The following EFCAB13 variants were observed in gnomAD, a reference collection of about 807,000 sequenced individuals.
EFCAB13 encodes the protein EF-hand calcium-binding domain-containing protein 13.
A neutral mutation model predicts 110.2 loss-of-function variants in EFCAB13; 91 were observed. The ratio of observed to expected loss-of-function variants is 0.83; its 90% CI spans 0.70 to 0.98. The LOEUF is 0.98. EFCAB13 is among the 50% of genes least tolerant of loss of function. The probability of loss-of-function intolerance (pLI) is 0.00; values close to 1 mark genes in which losing one functional copy is unlikely to be tolerated. For synonymous variants in EFCAB13, 323 were observed against 369.9 expected (o/e 0.87, Z 1.45); for missense variants, 968 against 1,119.4 (o/e 0.86, Z 1.93).
chr17:47,422,541 CAG>C (rs1904759410), intron 23 of EFCAB13, among the ~76,000 whole-genome samples: 1 of 152,130 alleles, frequency 6.6e-6, no homozygotes, highest in Non-Finnish European at 1.5e-5. Flanking sequence ...GCAAATTTAT[CAG>C]AGCTGCTTGA....
chr17:47,428,265 T>C (rs551598659), intron 23 of EFCAB13, among the ~76,000 whole-genome samples: 1 of 152,174 alleles, frequency 6.6e-6, no homozygotes, highest in East Asian at 1.9e-4. Context: ...CATCCCAGGA[T>C]TTCTCTTTAG....
chr17:47,363,605 C>T (rs968906215), intron 10 of EFCAB13, among the ~76,000 whole-genome samples: 1 of 151,984 alleles, frequency 6.6e-6, no homozygotes, highest in African/African-American at 2.4e-5. Context: ...GAAAGATTAT[C>T]AGAGGGGCTG....
intron 17 of EFCAB13, among the ~76,000 whole-genome samples, chr17:47,398,560 C>CTG (rs2065761109): frequency 6.6e-6 from 1 of 151,806 alleles, no homozygotes; most frequent in South Asian, 2.1e-4. Flanking sequence ...ACCCCCAACC[C>CTG]TGTGCTCTCT....
intron 9 of EFCAB13, among the ~76,000 whole-genome samples, chr17:47,349,815 T>C (rs11079773): frequency 0.091 from 12,514 of 136,774 alleles, 793 homozygotes; most frequent in East Asian, 0.36. Context: ...TCGCCCAGGC[T>C]GGACTGCGGA....
intron 9 of EFCAB13, among the ~76,000 whole-genome samples, chr17:47,359,389 CCA>C (rs1408560418): frequency 2.6e-5 from 4 of 151,740 alleles, no homozygotes; most frequent in Non-Finnish European, 5.9e-5. Flanking sequence ...CAAATAATGC[CCA>C]GTTTTTCCTC....
chr17:47,408,239 C>T (rs1388453042), intron 20 of EFCAB13, among the ~76,000 whole-genome samples: 1 of 152,162 alleles, frequency 6.6e-6, no homozygotes, highest in Non-Finnish European at 1.5e-5. Flanking sequence ...TTGTTGTTTA[C>T]TTTATTTACA....
chr17:47,340,196 A>C (rs2065376153), intron 5 of EFCAB13: 1 of 151,942 alleles, frequency 6.6e-6, no homozygotes. Context: ...AAAACAATAG[A>C]GCAATTATCT....
At chr17:47,417,057 T>C (rs1242399824) in intron 23 of EFCAB13, among the ~76,000 whole-genome samples, 1 of 152,220 alleles carries the variant, frequency 6.6e-6, no homozygotes, top group Non-Finnish European at 1.5e-5. Context: ...AAATGATTGA[T>C]TAACACATAT....
chr17:47,389,243 G>A (rs1463541634), intron 14 of EFCAB13, among the ~76,000 whole-genome samples: 1 of 152,094 alleles, frequency 6.6e-6, no homozygotes, highest in Non-Finnish European at 1.5e-5. Context: ...TCCCTGTGTT[G>A]CTCAGGCTGG....
intron 12 of EFCAB13, among the ~76,000 whole-genome samples, chr17:47,377,315 T>G (rs1038990798): frequency 6.6e-6 from 1 of 151,964 alleles, no homozygotes; most frequent in African/African-American, 2.4e-5. Context: ...ACATGCACCA[T>G]CACACCCAGC....
intron 14 of EFCAB13, among the ~76,000 whole-genome samples, chr17:47,386,772 G>T (rs1042583914): frequency 6.6e-6 from 1 of 152,166 alleles, no homozygotes; most frequent in Non-Finnish European, 1.5e-5. Flanking sequence ...GTAGGCACGC[G>T]AAGGAATCTC....
chr17:47,420,911 G>T (rs1411861760), intron 23 of EFCAB13, among the ~76,000 whole-genome samples: 1 of 143,382 alleles, frequency 7.0e-6, no homozygotes, highest in African/African-American at 2.6e-5. Context: ...GGAGGTGAGG[G>T]GCGCCTCTGC....
intron 10 of EFCAB13, among the ~76,000 whole-genome samples, chr17:47,369,237 C>T (rs908972987): frequency 6.6e-6 from 1 of 152,134 alleles, no homozygotes. Context: ...CTTGTTGAAC[C>T]CTTAGAGCTA....
Position 47,404,575 on chromosome 17 carries a change from G to T in EFCAB13, c.2175G>T (p.Val725=). The T allele has an allele frequency of 6.2e-7, 1 of 1,612,006 alleles. No individual in the cohort carries two copies. The highest frequency in any genetic ancestry group is 1.1e-5 in the South Asian group (1 of 90,780). The stretch of plus-strand genomic sequence containing the variant: ...TTTTCCTTGCAGAAGATAACATGGT[G>T]AACATTAAAGACTGTATGAGGGCTT... ...QSDFVSEDNM[V]NIKDCMRALR... Residue 725 remains valine (V), a synonymous_variant, in exon 20 of 25, where the codon GTG becomes GTT. Transcript: ENST00000331493.
chr17:47,415,831 C>A (rs545153964), intron 23 of EFCAB13, among the ~76,000 whole-genome samples: 1 of 152,192 alleles, frequency 6.6e-6, no homozygotes, highest in African/African-American at 2.4e-5. Flanking sequence ...TGTTGCCTAA[C>A]CACATCATTT....
intron 15 of EFCAB13, among the ~76,000 whole-genome samples, chr17:47,392,385 T>C (rs549907560): frequency 3.3e-5 from 5 of 152,190 alleles, no homozygotes; most frequent in Non-Finnish European, 5.9e-5. Context: ...CTAATATTTA[T>C]ATGAATGACT....
At position 47,440,485 on chromosome 17, in the gene EFCAB13, C is replaced by T; in HGVS notation, c.2693C>T (p.Thr898Ile). Residue 898 changes from threonine (T) to isoleucine (I), a missense_variant, in exon 25 of 25, where the codon ACA (threonine) becomes ATA (isoleucine). By Grantham distance (89) the Thr-to-Ile change is moderately conservative (BLOSUM62 -1). Coordinates refer to ENST00000331493, the MANE Select transcript of EFCAB13 (RefSeq NM_152347.5). ...ATGACTAAATTATCCGATATATTGA[C>T]AATTCCTAAAGCTGCAGGTAAGTTT... is the stretch of plus-strand genomic sequence containing the variant. ...EFMTKLSDIL[T>I]IPKAAGKFYL... is the part of the protein sequence containing the mutation. 2.5e-6 allele frequency: 4 copies of T among 1,609,802 alleles called. No homozygotes were observed. The highest frequency in any genetic ancestry group is 3.4e-6 in the Non-Finnish European group (4 of 1,178,664).
chr17:47,383,424 T>C (rs1156279143), intron 14 of EFCAB13, among the ~76,000 whole-genome samples: 1 of 152,236 alleles, frequency 6.6e-6, no homozygotes, highest in African/African-American at 2.4e-5. Context: ...TTTAGTGCTA[T>C]AAATTTCCCT....
Position 47,391,460 on chromosome 17 carries a change from A to C in EFCAB13, c.1606A>C (p.Ile536Leu), listed in dbSNP as rs760871240. The change falls in exon 15 of 25, where the codon ATT (isoleucine) becomes CTT (leucine). Residue 536 changes from isoleucine to leucine, a missense_variant. Ile to Leu is a conservative substitution (Grantham distance 5). Coordinates refer to ENST00000331493, the MANE Select transcript of EFCAB13 (RefSeq NM_152347.5). ...AGCGTTGCCTGGTGTCATTAAAGCCATTGATAAAATTAAAGATAAAAATGT... is the reference window on the plus strand; with the variant it reads ...AGCGTTGCCTGGTGTCATTAAAGCCCTTGATAAAATTAAAGATAAAAATGT... ...CNALPGVIKA[I>L]DKIKDKNVDY... 6.3e-7 allele frequency: 1 copy of C among 1,576,182 alleles called. No homozygotes were observed. The highest frequency in any genetic ancestry group is 1.2e-5 in the South Asian group (1 of 81,812).
Sources: gnomAD v4.1 joint callset for allele counts (sites outside exome capture counted in the v4.1 genomes callset) on GRCh38, gnomAD v4.1.1 for gene constraint, MANE v1.5 for transcripts, NCBI Gene and HGNC (gene_info 2026-07-23, HGNC 2026-07-21) for gene names.